PDE10A: variants seen among roughly 807,000 people sequenced by gnomAD.
PDE10A encodes phosphodiesterase 10A.
PDE10A carries 39 observed loss-of-function variants against 97.7 expected under a neutral mutation model. That is an observed-to-expected ratio of 0.40 (90% CI 0.31 to 0.52). PDE10A has a LOEUF of 0.52. Among genes scored for constraint, PDE10A ranks in the 20% least tolerant of loss-of-function variants. The probability of loss-of-function intolerance (pLI) is 0.56; values close to 1 mark genes in which losing one functional copy is unlikely to be tolerated. For missense variants in PDE10A, 731 were observed against 1,047.8 expected (o/e 0.70, Z 4.17); for synonymous variants, 371 against 376.8 (o/e 0.98, Z 0.18).
Position 165,331,739 on chromosome 6 carries a change from C to T in PDE10A, c.*1286G>A, listed in dbSNP as rs568914243. On this transcript the variant is annotated 3_prime_UTR_variant, in exon 22 of 22. Transcript: ENST00000539869. ...AGGAAGGGGTGCAGAGTATTACTTT[C>T]GTATTTTTTAAAACACTTACATTGT... 2 of 150,482 alleles carry T rather than the reference C, an allele frequency of 1.3e-5. No homozygotes were observed. The highest frequency in any genetic ancestry group is 1.9e-4 in the East Asian group (1 of 5,182). 9.3% of individuals were successfully genotyped at this position (150,482 alleles called of 1,614,324 possible). A position where few individuals can be genotyped will look rare whatever the true frequency, so the allele number is the denominator to read the frequency against.
At chr6:165,623,752 T>C (rs1332748868) in intron 1 of PDE10A, among the ~76,000 whole-genome samples, 1 of 146,602 alleles carries the variant, frequency 6.8e-6, no homozygotes, top group Non-Finnish European at 1.5e-5. Flanking sequence ...CATTCACCCC[T>C]GACCAATATG....
chr6:165,574,494 C>T (rs1785206050), intron 1 of PDE10A, among the ~76,000 whole-genome samples: 1 of 152,160 alleles, frequency 6.6e-6, no homozygotes, highest in Non-Finnish European at 1.5e-5. Context: ...CAGAAACTGT[C>T]TCATAAAAAC....
At chr6:165,943,361 A>AAAGAAAGAAAGAAAGAAAGAAG (rs1167502272) in intron 1 of PDE10A, among the ~76,000 whole-genome samples, 1 of 89,862 alleles carries the variant, frequency 1.1e-5, no homozygotes, top group African/African-American at 4.1e-5. Flanking sequence ...AGAAAGAAAG[A>AAAGAAAGAAAGAAAGAAAGAAG]GAAAGAAAGA....
At chr6:165,824,224 T>C (rs1176899903) in intron 1 of PDE10A, among the ~76,000 whole-genome samples, 1 of 152,248 alleles carries the variant, frequency 6.6e-6, no homozygotes, top group Non-Finnish European at 1.5e-5. Flanking sequence ...TTACGTTCAT[T>C]AAAACTTGTG....
chr6:165,920,072 T>C (rs1253112257), intron 1 of PDE10A, among the ~76,000 whole-genome samples: 3 of 152,218 alleles, frequency 2.0e-5, no homozygotes, highest in Non-Finnish European at 4.4e-5. Context: ...ATAAAGAAAG[T>C]TGTATTTAAA....
intron 5 of PDE10A, among the ~76,000 whole-genome samples, chr6:165,436,926 G>A (rs1357271999): frequency 6.6e-6 from 1 of 151,938 alleles, no homozygotes; most frequent in African/African-American, 2.4e-5. Context: ...AAAAAGAATA[G>A]ATAAATGCAA....
chr6:165,668,769 T>TACGA (rs1790561745), intron 1 of PDE10A, among the ~76,000 whole-genome samples: 1 of 128,640 alleles, frequency 7.8e-6, no homozygotes, highest in Non-Finnish European at 1.6e-5. Context: ...GGAAGGAAGG[T>TACGA]AGGAAGGGAG....
At chr6:165,828,762 C>G (rs1171249952) in intron 1 of PDE10A, among the ~76,000 whole-genome samples, 1 of 152,162 alleles carries the variant, frequency 6.6e-6, no homozygotes, top group Non-Finnish European at 1.5e-5. Flanking sequence ...CCACTGCGGG[C>G]AGTGGAGGCC....
intron 1 of PDE10A, among the ~76,000 whole-genome samples, chr6:165,658,035 G>T (rs1221336512): frequency 6.6e-6 from 1 of 152,150 alleles, no homozygotes; most frequent in Admixed American, 6.5e-5. Context: ...GTATCTGTGA[G>T]TTAGCTGTTG....
At chr6:165,658,710 C>T (rs1790086759) in intron 1 of PDE10A, among the ~76,000 whole-genome samples, 1 of 152,260 alleles carries the variant, frequency 6.6e-6, no homozygotes. Flanking sequence ...CAAGCAAACA[C>T]TGGGCTCTCT....
chr6:165,392,740 C>T lies in PDE10A; in HGVS notation c.2360G>A (p.Arg787Gln). Residue 787 changes from arginine to glutamine, a missense_variant, in exon 16 of 22, where the codon CGG becomes CAG. Physicochemically the swap from Arg to Gln is conservative, Grantham distance 43. Coordinates refer to ENST00000539869, the MANE Select transcript of PDE10A (RefSeq NM_001385079.1). ...FIMSVKKNYRRVPYHNWKHAV... is the reference protein window; with the variant it reads ...FIMSVKKNYRQVPYHNWKHAV... Reference sequence around the variant, plus strand: ...ATGCTTCCAGTTGTGATAAGGAACCCGCCGATAGTTCTTCTTCACAGACAT... The same window carrying T: ...ATGCTTCCAGTTGTGATAAGGAACCTGCCGATAGTTCTTCTTCACAGACAT... The T allele has an allele frequency of 1.2e-6, 2 of 1,613,752 alleles. No homozygotes were observed. Among genetic ancestry groups the T allele is most frequent in the Non-Finnish European group, 8.5e-7 (1 of 1,179,708 alleles).
chr6:165,987,732 C>T (rs143009631), exon 1 of PDE10A: 1 of 456,664 alleles, frequency 2.2e-6, no homozygotes, highest in Non-Finnish European at 4.4e-6. Context: ...ACCACGCTCG[C>T]GCGCTCCGCT....
chr6:165,535,718 A>C (rs565502159), intron 2 of PDE10A, among the ~76,000 whole-genome samples: 44 of 149,714 alleles, frequency 2.9e-4, no homozygotes, highest in Non-Finnish European at 4.9e-4. Flanking sequence ...ACATACAAGC[A>C]CAGGTATCTT....
At chr6:165,606,149 A>T (rs1490769633) in intron 1 of PDE10A, among the ~76,000 whole-genome samples, 1 of 104,372 alleles carries the variant, frequency 9.6e-6, no homozygotes, top group Non-Finnish European at 2.3e-5. Flanking sequence ...CATTACGAAC[A>T]AGCGAAAAAA....
chr6:165,619,477 GTCTAGTGTAGTC>G, intron 1 of PDE10A, among the ~76,000 whole-genome samples: 1 of 143,182 alleles, frequency 7.0e-6, no homozygotes, highest in African/African-American at 2.7e-5. Context: ...GTGTAGTGTA[GTCTAGTGTAGTC>G]TAGTGTAGTC....
chr6:165,908,197 C>T (rs1441069586), intron 1 of PDE10A, among the ~76,000 whole-genome samples: 1 of 152,194 alleles, frequency 6.6e-6, no homozygotes, highest in Non-Finnish European at 1.5e-5. Context: ...AATGAAGCCA[C>T]AGGAAGGAGT....
At chr6:165,905,376 C>T (rs79180266) in intron 1 of PDE10A, among the ~76,000 whole-genome samples, 1,721 of 152,166 alleles carry the variant, frequency 0.011, 28 homozygotes, top group African/African-American at 0.037. Flanking sequence ...TACATACATG[C>T]AATTAAAAGC....
intron 18 of PDE10A, 85 bp downstream of exon 18, chr6:165,379,109 G>A: frequency 1.1e-6 from 1 of 896,886 alleles, no homozygotes; most frequent in East Asian, 2.6e-5. Context: ...TCAAATATAA[G>A]CTTACGCCAC....
intron 3 of PDE10A, among the ~76,000 whole-genome samples, chr6:165,460,501 T>C (rs1030503784): frequency 1.8e-4 from 28 of 152,180 alleles, no homozygotes; most frequent in Admixed American, 1.4e-3. Flanking sequence ...ATAAACGTCC[T>C]ACTTGTGAAA....
Sources: gnomAD v4.1 joint callset for allele counts (sites outside exome capture counted in the v4.1 genomes callset) on GRCh38, gnomAD v4.1.1 for gene constraint, MANE v1.5 for transcripts, NCBI Gene and HGNC (gene_info 2026-07-23, HGNC 2026-07-21) for gene names.